The following CACNA2D3 variants were observed in gnomAD, a reference collection of about 807,000 sequenced individuals.
The protein encoded by CACNA2D3 is voltage-dependent calcium channel subunit alpha-2/delta-3.
A neutral mutation model predicts 160.6 loss-of-function variants in CACNA2D3; 60 were observed. The ratio of observed to expected loss-of-function variants is 0.37; its 90% CI spans 0.30 to 0.46. CACNA2D3 has a LOEUF of 0.46. Among genes scored for constraint, CACNA2D3 ranks in the 20% least tolerant of loss-of-function variants. The pLI is 1.00. For missense variants in CACNA2D3, 1,205 were observed against 1,365.0 expected (o/e 0.88, Z 1.85); for synonymous variants, 558 against 492.9 (o/e 1.13, Z -1.75).
chr3:54,573,894 C>G (rs1702539807), intron 8 of CACNA2D3, among the ~76,000 whole-genome samples: 1 of 152,152 alleles, frequency 6.6e-6, no homozygotes, highest in Non-Finnish European at 1.5e-5. Context: ...CCTTCTGTTT[C>G]TGCCCTGACA....
At chr3:54,128,153 C>T (rs1699633793) in intron 2 of CACNA2D3, among the ~76,000 whole-genome samples, 1 of 152,090 alleles carries the variant, frequency 6.6e-6, no homozygotes, top group South Asian at 2.1e-4. Context: ...ATGGTGATCG[C>T]ATGCTGATTT....
intron 5 of CACNA2D3, among the ~76,000 whole-genome samples, chr3:54,517,144 G>T (rs1346869451): frequency 6.6e-6 from 1 of 152,150 alleles, no homozygotes; most frequent in Non-Finnish European, 1.5e-5. Context: ...GGCTCAAGAA[G>T]GTTAGTTATT....
At chr3:54,601,403 C>T (rs1183858724) in intron 9 of CACNA2D3, among the ~76,000 whole-genome samples, 2 of 152,098 alleles carry the variant, frequency 1.3e-5, no homozygotes, top group Non-Finnish European at 2.9e-5. Context: ...AAACGGGGTC[C>T]TGCTGTGTTG....
chr3:54,276,758 A>G (rs893312142), intron 2 of CACNA2D3, among the ~76,000 whole-genome samples: 3 of 152,008 alleles, frequency 2.0e-5, no homozygotes, highest in African/African-American at 7.2e-5. Context: ...TTTTCTGTGC[A>G]TTTCTTCCAG....
At chr3:54,665,834 T>TTCCGCCACCCAGGC (rs1700059985) in intron 11 of CACNA2D3, among the ~76,000 whole-genome samples, 1 of 151,080 alleles carries the variant, frequency 6.6e-6, no homozygotes, top group Non-Finnish European at 1.5e-5. Flanking sequence ...GCCACCCAGG[T>TTCCGCCACCCAGGC]TCCGCCACCC....
intron 34 of CACNA2D3, among the ~76,000 whole-genome samples, chr3:55,010,362 G>T (rs946492456): frequency 6.6e-6 from 1 of 151,976 alleles, no homozygotes; most frequent in African/African-American, 2.4e-5. Context: ...TAAAAAACCT[G>T]CATGTACCCT....
At chr3:54,524,030 CCTT>C (rs144380851) in intron 5 of CACNA2D3, among the ~76,000 whole-genome samples, 5,233 of 151,030 alleles carry the variant, frequency 0.035, 130 homozygotes, top group Non-Finnish European at 0.052. Context: ...TTATTTCTTT[CCTT>C]CTTCTTGCTT....
chr3:54,326,021 T>A (rs1704113743), intron 3 of CACNA2D3, among the ~76,000 whole-genome samples: 1 of 152,218 alleles, frequency 6.6e-6, no homozygotes, highest in Non-Finnish European at 1.5e-5. Context: ...AGTTACCTGC[T>A]GTTCATTGTG....
chr3:54,680,018 G>A (rs139588483), intron 11 of CACNA2D3, among the ~76,000 whole-genome samples: 18 of 152,226 alleles, frequency 1.2e-4, no homozygotes, highest in East Asian at 7.7e-4. Context: ...CAGTAACAGC[G>A]GAAAGAGATA....
Position 54,895,794 on chromosome 3 carries a change from C to T in CACNA2D3, c.2247-955C>T, listed in dbSNP as rs376519210. ...TTGCACCGTATCAGCCAAGATGAGG[C>T]GCTTCAGGTGCTGGACAGCACATGT... On this transcript the variant is annotated intron_variant, in intron 25 of 37. Transcript: ENST00000474759. 7.1e-4 allele frequency among the ~76,000 whole-genome samples: 108 copies of T among 152,266 alleles called. 1 individual carries two copies. Among genetic ancestry groups the T allele is most frequent in the African/African-American group, 2.5e-3 (102 of 41,566 alleles).
intron 4 of CACNA2D3, among the ~76,000 whole-genome samples, chr3:54,456,078 C>T (rs1348585433): frequency 6.6e-6 from 1 of 152,042 alleles, no homozygotes; most frequent in Admixed American, 6.6e-5. Context: ...TTTTCTGTTT[C>T]TGTGAAGAAT....
chr3:54,695,629 A>T (rs181006773), intron 11 of CACNA2D3, among the ~76,000 whole-genome samples: 43 of 152,258 alleles, frequency 2.8e-4, no homozygotes, highest in Non-Finnish European at 4.7e-4. Flanking sequence ...AACCTTAGCC[A>T]ACATGATAAC....
intron 4 of CACNA2D3, among the ~76,000 whole-genome samples, chr3:54,446,079 A>G (rs1000619489): frequency 6.6e-6 from 1 of 152,220 alleles, no homozygotes; most frequent in Non-Finnish European, 1.5e-5. Flanking sequence ...CCATCCACAC[A>G]TGTTCATAGA....
At chr3:54,375,158 G>A (rs181352486) in intron 3 of CACNA2D3, among the ~76,000 whole-genome samples, 104 of 152,242 alleles carry the variant, frequency 6.8e-4, no homozygotes, top group African/African-American at 2.3e-3. Context: ...CCGTAAGCCT[G>A]GTCTAGTTGC....
At chr3:54,195,346 C>T (rs2107342633) in intron 2 of CACNA2D3, among the ~76,000 whole-genome samples, 1 of 152,264 alleles carries the variant, frequency 6.6e-6, no homozygotes, top group East Asian at 1.9e-4. Flanking sequence ...CAGCTCTGTC[C>T]AAAGCTCACT....
intron 4 of CACNA2D3, among the ~76,000 whole-genome samples, chr3:54,501,472 T>G (rs1265633555): frequency 6.7e-6 from 1 of 149,222 alleles, no homozygotes; most frequent in Non-Finnish European, 1.5e-5. Flanking sequence ...ATTGGCACAA[T>G]CATGACTCAC....
chr3:54,768,908 G>A (rs982770631), intron 13 of CACNA2D3, among the ~76,000 whole-genome samples: 5 of 152,110 alleles, frequency 3.3e-5, no homozygotes, highest in Non-Finnish European at 5.9e-5. Context: ...ATGTTCTGAG[G>A]GTTCCTTCTC....
intron 35 of CACNA2D3, among the ~76,000 whole-genome samples, chr3:55,051,212 G>GT (rs1704199120): frequency 6.6e-6 from 1 of 152,168 alleles, no homozygotes; most frequent in Non-Finnish European, 1.5e-5. Context: ...TTTCTGCTCT[G>GT]TTTTTTCCCC....
At chr3:54,143,037 G>A (rs1323028072) in intron 2 of CACNA2D3, among the ~76,000 whole-genome samples, 2 of 152,216 alleles carry the variant, frequency 1.3e-5, no homozygotes, top group Non-Finnish European at 1.5e-5. Flanking sequence ...GTGAAAAGCA[G>A]GCTGTGACTA....
Sources: allele counts gnomAD v4.1 joint callset (sites outside exome capture counted in the v4.1 genomes callset), GRCh38; gene constraint gnomAD v4.1.1; transcripts MANE v1.5; gene names NCBI Gene and HGNC (gene_info 2026-07-23, HGNC 2026-07-21).